The following PDIA5 variants were observed in gnomAD, a reference collection of about 807,000 sequenced individuals.
PDIA5 encodes the protein protein disulfide-isomerase A5.
Under a neutral mutation model 77.6 loss-of-function variants are expected in PDIA5, and 58 were observed. The ratio of observed to expected loss-of-function variants is 0.75; its 90% CI spans 0.61 to 0.93. The LOEUF (loss-of-function observed/expected upper bound fraction) is 0.93, where lower values mean the gene tolerates loss of function less well. Among genes scored for constraint, PDIA5 ranks in the 40% least tolerant of loss-of-function variants. PDIA5 has a pLI of 0.00. For missense variants in PDIA5, 630 were observed against 647.7 expected (o/e 0.97, Z 0.30); for synonymous variants, 250 against 252.1 (o/e 0.99, Z 0.08).
chr3:123,156,393 C>G (rs1295346011), intron 15 of PDIA5, among the ~76,000 whole-genome samples: 1 of 152,238 alleles, frequency 6.6e-6, no homozygotes. Context: ...GTTTTCTCCT[C>G]TGCCTGCCCC....
intron 7 of PDIA5, among the ~76,000 whole-genome samples, chr3:123,113,162 T>C (rs1934905922): frequency 2.0e-5 from 3 of 152,258 alleles, no homozygotes; most frequent in Admixed American, 6.5e-5. Context: ...TCCTTTGGTA[T>C]ATCTTAAAGC....
intron 6 of PDIA5, among the ~76,000 whole-genome samples, chr3:123,109,714 C>T (rs534891646): frequency 6.7e-4 from 102 of 152,128 alleles, no homozygotes; most frequent in African/African-American, 2.4e-3. Context: ...TCACCTCATA[C>T]CTTTACATTG....
chr3:123,078,782 G>A (rs1933918837), intron 1 of PDIA5, among the ~76,000 whole-genome samples: 1 of 152,104 alleles, frequency 6.6e-6, no homozygotes, highest in African/African-American at 2.4e-5. Context: ...TGTCTTTTGT[G>A]ACCTTGACAT....
intron 5 of PDIA5, among the ~76,000 whole-genome samples, chr3:123,105,115 A>T (rs1349450340): frequency 2.0e-5 from 3 of 152,194 alleles, no homozygotes; most frequent in African/African-American, 7.2e-5. Flanking sequence ...GCGTGGGGCC[A>T]GGACACCCCC....
At chr3:123,154,626 G>C in intron 14 of PDIA5, among the ~76,000 whole-genome samples, 1 of 152,196 alleles carries the variant, frequency 6.6e-6, no homozygotes, top group East Asian at 1.9e-4. Flanking sequence ...TGAGAATCCC[G>C]TGCCTTCCTC....
Position 123,155,040 on chromosome 3 carries a change from A to G in PDIA5, c.1343A>G (p.Lys448Arg). 6.3e-7 allele frequency: 1 copy of G among 1,599,414 alleles called. No individual in the cohort carries two copies. Reference sequence around the variant, plus strand: ...GCTGATGCCTTCAAAGATGACCGAAAGGTAAGGACAGCGCTCTTCATCTCT... The same window carrying G: ...GCTGATGCCTTCAAAGATGACCGAAGGGTAAGGACAGCGCTCTTCATCTCT... ...ATADAFKDDR[K>R]IACAAVDCVK... is the part of the protein sequence containing the mutation. Residue 448 changes from lysine to arginine, a missense_variant and splice_region_variant, in exon 15 of 17, where the codon AAG (lysine) becomes AGG (arginine). By Grantham distance (26) the Lys-to-Arg change is conservative. Coordinates refer to ENST00000316218, the MANE Select transcript of PDIA5 (RefSeq NM_006810.4).
intron 11 of PDIA5, among the ~76,000 whole-genome samples, chr3:123,142,080 A>G (rs938354817): frequency 1.3e-5 from 2 of 152,184 alleles, no homozygotes; most frequent in Non-Finnish European, 2.9e-5. Flanking sequence ...GACAATCTCA[A>G]GAATGTCAGT....
At chr3:123,136,177 C>T (rs1935498878) in intron 11 of PDIA5, among the ~76,000 whole-genome samples, 2 of 152,178 alleles carry the variant, frequency 1.3e-5, no homozygotes, top group African/African-American at 4.8e-5. Flanking sequence ...TCAAGTGATT[C>T]TCCTGCCTCG....
chr3:123,153,357 C>A (rs577235815), intron 14 of PDIA5, among the ~76,000 whole-genome samples: 48 of 152,318 alleles, frequency 3.2e-4, no homozygotes, highest in Admixed American at 9.1e-4. Flanking sequence ...CTGTCTGTGA[C>A]ATACCTTGTT....
Position 123,089,247 on chromosome 3 carries a change from A to G in PDIA5, c.122A>G (p.Lys41Arg), listed in dbSNP as rs762692791. The G allele has an allele frequency of 1.9e-6, 3 of 1,614,136 alleles. No homozygotes were observed. The highest frequency in any genetic ancestry group is 4.5e-5 in the East Asian group (2 of 44,884). Residue 41 changes from lysine to arginine, a missense_variant, in exon 2 of 17, where the codon AAA (lysine) becomes AGA (arginine). By Grantham distance (26) the Lys-to-Arg change is conservative. Coordinates refer to ENST00000316218, the MANE Select transcript of PDIA5 (RefSeq NM_006810.4). ...ERISDPKDLK[K>R]LLRTRNNVLV... is the part of the protein sequence containing the mutation. ...ATCTCTGACCCCAAGGACTTGAAAAAACTGCTCAGAACCCGGAATAATGTA... is the reference window on the plus strand; with the variant it reads ...ATCTCTGACCCCAAGGACTTGAAAAGACTGCTCAGAACCCGGAATAATGTA...
At chr3:123,144,598 G>A (rs1049175210) in intron 11 of PDIA5, 1 of 152,266 alleles carries the variant, frequency 6.6e-6, no homozygotes. Flanking sequence ...GAAAAGCACA[G>A]AGCAGGCTGG....
At chr3:123,086,253 T>C (rs1210576544) in intron 1 of PDIA5, among the ~76,000 whole-genome samples, 1 of 152,242 alleles carries the variant, frequency 6.6e-6, no homozygotes, top group Non-Finnish European at 1.5e-5. Flanking sequence ...TAAAACACGT[T>C]CAATAAATTA....
chr3:123,140,976 C>T (rs75669154), intron 11 of PDIA5, among the ~76,000 whole-genome samples: 1,803 of 152,238 alleles, frequency 0.012, 39 homozygotes, highest in African/African-American at 0.041. Flanking sequence ...TCAGGCCCAC[C>T]GCTGATGGAA....
intron 5 of PDIA5, among the ~76,000 whole-genome samples, chr3:123,105,966 A>T (rs2247665): frequency 6.6e-6 from 1 of 152,058 alleles, no homozygotes; most frequent in Admixed American, 6.6e-5. Context: ...GGACAGTGCC[A>T]CTCTTCCCTG....
At position 123,142,758 on chromosome 3, in the gene PDIA5, C is replaced by G. The variant is rs551111753; in HGVS notation, c.911-2764C>G. 1.9e-4 allele frequency among the ~76,000 whole-genome samples: 29 copies of G among 152,318 alleles called. No individual in the cohort carries two copies. In the South Asian group the frequency reaches 6.0e-3, roughly 32 times the overall value. ...AGTCCCAGAGGAGCCCTTAGGAGCA[C>G]TTTTGGGGCTATGTGCCTTGCTCAG... On this transcript the variant is annotated intron_variant, in intron 11 of 16. Coordinates refer to ENST00000316218, the MANE Select transcript of PDIA5 (RefSeq NM_006810.4).
At chr3:123,160,238 A>G (rs2031920011) in intron 15 of PDIA5, among the ~76,000 whole-genome samples, 1 of 152,186 alleles carries the variant, frequency 6.6e-6, no homozygotes, top group Non-Finnish European at 1.5e-5. Flanking sequence ...GGGTATGGCC[A>G]TTGAGGACCC....
intron 10 of PDIA5, among the ~76,000 whole-genome samples, chr3:123,125,409 G>A (rs890969396): frequency 6.6e-6 from 1 of 152,098 alleles, no homozygotes; most frequent in Admixed American, 6.5e-5. Flanking sequence ...GGGTGGTGCC[G>A]GTAAGCAGTA....
chr3:123,110,954 G>A lies in PDIA5; in HGVS notation c.491G>A (p.Arg164Gln), dbSNP rs759484530. ...CTTTTTGTGCCTCAGGACTTCAGAC[G>A]GCTCCTGAAGAAGGAAGAGAAGCCG... The part of the protein sequence containing the change: ...VHLDSEKDFR[R>Q]LLKKEEKPLL... The change falls in exon 7 of 17, where the codon CGG becomes CAG. Residue 164 changes from arginine (R) to glutamine (Q), a missense_variant. Arg to Gln is a conservative substitution (Grantham distance 43, BLOSUM62 1). Coordinates refer to ENST00000316218, the MANE Select transcript of PDIA5 (RefSeq NM_006810.4). 9.3e-6 allele frequency: 15 copies of A among 1,613,654 alleles called. No homozygotes were observed. The highest frequency in any genetic ancestry group is 1.6e-4 in the Middle Eastern group (1 of 6,078).
At chr3:123,124,012 A>G in intron 8 of PDIA5, 54 bp from the exon 9 acceptor site, 1 of 1,110,370 alleles carries the variant, frequency 9.0e-7, no homozygotes, top group South Asian at 1.2e-5. Context: ...CGTGTGGACT[A>G]GAGGGTGTCT....
Sources: allele counts gnomAD v4.1 joint callset (sites outside exome capture counted in the v4.1 genomes callset), GRCh38; gene constraint gnomAD v4.1.1; transcripts MANE v1.5; gene names NCBI Gene and HGNC (gene_info 2026-07-23, HGNC 2026-07-21).